The following DIAPH2 variants were observed in gnomAD, a reference collection of about 807,000 sequenced individuals.
The protein encoded by DIAPH2 is diaphanous related formin 2.
DIAPH2 carries 35 observed loss-of-function variants against 92.7 expected under a neutral mutation model. The ratio of observed to expected loss-of-function variants is 0.38; its 90% CI spans 0.29 to 0.50. The LOEUF (loss-of-function observed/expected upper bound fraction) is 0.50, where lower values mean the gene tolerates loss of function less well. DIAPH2 is among the 20% of genes least tolerant of loss of function. DIAPH2 has a pLI of 0.94. For missense variants in DIAPH2, 701 were observed against 819.5 expected (o/e 0.86, Z 1.77); for synonymous variants, 301 against 280.4 (o/e 1.07, Z -0.73).
At chrX:97,366,706 C>T (rs1314834590) in intron 24 of DIAPH2, among the ~76,000 whole-genome samples, 1 of 111,629 alleles carries the variant, frequency 9.0e-6, no homozygotes, top group Non-Finnish European at 1.9e-5. Context: ...CATCTTTCTA[C>T]TTTCTCTAAG....
At chrX:97,528,715 G>A (rs181157591) in intron 26 of DIAPH2, 12 of 111,803 alleles carry the variant, frequency 1.1e-4, no homozygotes, top group African/African-American at 3.2e-4. Flanking sequence ...TCAACATGAG[G>A]TTTGGGGGAT....
At chrX:97,445,907 T>TG (rs776937345) in intron 26 of DIAPH2, among the ~76,000 whole-genome samples, 3 of 107,500 alleles carry the variant, frequency 2.8e-5, no homozygotes, top group African/African-American at 1.0e-4. Flanking sequence ...GTCTGGTTTA[T>TG]GGGGGGGAAA....
intron 4 of DIAPH2, among the ~76,000 whole-genome samples, chrX:96,818,986 C>T (rs896965484): frequency 3.6e-5 from 4 of 112,586 alleles, no homozygotes; most frequent in South Asian, 7.3e-4. Flanking sequence ...AACCTAGATA[C>T]TTTGCATGTG....
At chrX:97,174,074 T>C (rs2067474450) in intron 22 of DIAPH2, among the ~76,000 whole-genome samples, 1 of 75,410 alleles carries the variant, frequency 1.3e-5, no homozygotes, top group Admixed American at 1.5e-4. Context: ...AATTATATTA[T>C]ATAATTATAA....
intron 15 of DIAPH2, among the ~76,000 whole-genome samples, chrX:96,953,410 A>G (rs1313811279): frequency 9.0e-6 from 1 of 111,456 alleles, no homozygotes; most frequent in Non-Finnish European, 1.9e-5. Flanking sequence ...TTAGGAGTTC[A>G]CAAATTCCTA....
intron 3 of DIAPH2, among the ~76,000 whole-genome samples, chrX:96,756,145 G>A (rs2064227679): frequency 9.0e-6 from 1 of 111,620 alleles, no homozygotes. Flanking sequence ...GGACTTTGGC[G>A]TGAGCCACTG....
chrX:97,287,331 A>G (rs755927860), intron 23 of DIAPH2, among the ~76,000 whole-genome samples: 19 of 110,728 alleles, frequency 1.7e-4, no homozygotes, highest in African/African-American at 6.2e-4. Context: ...TGTTTTGGGG[A>G]AAATTCTGCA....
At position 97,222,172 on chromosome X, in the gene DIAPH2, A is replaced by AGATGAT. The variant is rs56742311; in HGVS notation, c.2720-25500_2720-25495dup. 5.2e-3 allele frequency among the ~76,000 whole-genome samples: 542 copies of AGATGAT among 104,068 alleles called. 3 individuals are homozygous for AGATGAT. The highest frequency in any genetic ancestry group is 0.01 in the African/African-American group (273 of 27,133). 90.4% of individuals were successfully genotyped at this position (104,068 alleles called of 115,157 possible). A position where few individuals can be genotyped will look rare whatever the true frequency, so the allele number is the denominator to read the frequency against. On this transcript the variant is annotated intron_variant, in intron 22 of 26. Coordinates refer to ENST00000324765, the MANE Select transcript of DIAPH2 (RefSeq NM_006729.5). Reference sequence around the variant, plus strand: ...TATTTGAAGTATAAAGGGAGGGTCTAGATGATGATGATGATGATGATGATG... The same window carrying AGATGAT: ...TATTTGAAGTATAAAGGGAGGGTCTAGATGATGATGATGATGATGATGATGATGATG...
intron 22 of DIAPH2, among the ~76,000 whole-genome samples, chrX:97,171,258 A>G (rs2067451573): frequency 8.9e-6 from 1 of 112,169 alleles, no homozygotes; most frequent in Non-Finnish European, 1.9e-5. Context: ...TATATTATGT[A>G]TTACGGTTTA....
chrX:97,206,369 A>G (rs2067796263), intron 22 of DIAPH2, among the ~76,000 whole-genome samples: 1 of 111,992 alleles, frequency 8.9e-6, no homozygotes, highest in Non-Finnish European at 1.9e-5. Context: ...TTTTATCAGC[A>G]TTCTTTAACT....
intron 26 of DIAPH2, among the ~76,000 whole-genome samples, chrX:97,585,548 G>A (rs760812579): frequency 2.0e-5 from 2 of 100,522 alleles, no homozygotes; most frequent in African/African-American, 3.6e-5. Context: ...CACTGTTGAG[G>A]GGGAAAAAGC....
intron 4 of DIAPH2, among the ~76,000 whole-genome samples, chrX:96,847,109 A>G (rs758232697): frequency 1.8e-5 from 2 of 111,849 alleles, no homozygotes; most frequent in South Asian, 7.5e-4. Flanking sequence ...GTGAGTAGAA[A>G]GACAAACTAT....
intron 4 of DIAPH2, among the ~76,000 whole-genome samples, chrX:96,822,806 T>C (rs2064787480): frequency 8.9e-6 from 1 of 112,596 alleles, no homozygotes; most frequent in Admixed American, 9.4e-5. Context: ...CAAATGCCGA[T>C]TTTATAACAA....
chrX:97,458,884 G>A (rs2070433536), intron 26 of DIAPH2, among the ~76,000 whole-genome samples: 1 of 111,611 alleles, frequency 9.0e-6, no homozygotes, highest in African/African-American at 3.3e-5. Context: ...GGTAACAAGT[G>A]AGGTCTGGGA....
intron 5 of DIAPH2, among the ~76,000 whole-genome samples, chrX:96,902,788 T>G (rs1299106085): frequency 9.0e-6 from 1 of 111,524 alleles, no homozygotes; most frequent in Non-Finnish European, 1.9e-5. Context: ...AGGAATGGAT[T>G]TTAAAATATT....
intron 23 of DIAPH2, among the ~76,000 whole-genome samples, chrX:97,255,998 C>A (rs779390868): frequency 8.9e-6 from 1 of 111,828 alleles, no homozygotes; most frequent in Non-Finnish European, 1.9e-5. Context: ...ATACATAAAC[C>A]CTTTCAGGCC....
chrX:96,773,752 G>C (rs1198974995), intron 4 of DIAPH2, among the ~76,000 whole-genome samples: 1 of 110,972 alleles, frequency 9.0e-6, no homozygotes, highest in African/African-American at 3.3e-5. Flanking sequence ...CAGCAGGCTG[G>C]GGCACGAGAA....
chrX:96,815,510 C>T (rs925070532), intron 4 of DIAPH2, among the ~76,000 whole-genome samples: 2 of 112,164 alleles, frequency 1.8e-5, no homozygotes, highest in African/African-American at 6.5e-5. Context: ...CGCCCTGCTT[C>T]GTCTCGCCCT....
chrX:97,268,833 G>A (rs1177005891), intron 23 of DIAPH2, among the ~76,000 whole-genome samples: 1 of 102,413 alleles, frequency 9.8e-6, no homozygotes, highest in East Asian at 3.0e-4. Context: ...TTCAGGCACT[G>A]TTCTTTTTTT....
Sources: allele counts gnomAD v4.1 joint callset (sites outside exome capture counted in the v4.1 genomes callset), GRCh38; gene constraint gnomAD v4.1.1; transcripts MANE v1.5; gene names NCBI Gene and HGNC (gene_info 2026-07-23, HGNC 2026-07-21).